The following CNTN5 variants were observed in gnomAD, a reference collection of about 807,000 sequenced individuals.
CNTN5 encodes the protein contactin-5.
In CNTN5, 77 loss-of-function variants were observed where a neutral mutation model predicts 129.1. The ratio of observed to expected loss-of-function variants is 0.60; its 90% CI spans 0.50 to 0.72. The LOEUF (loss-of-function observed/expected upper bound fraction) is 0.72. Ranked by LOEUF, CNTN5 falls within the 30% of genes least tolerant of loss-of-function variation. The pLI is 0.00. For synonymous variants in CNTN5, 509 were observed against 465.6 expected, an observed-to-expected ratio of 1.09 and a Z score of -1.20; for missense variants, 1,478 against 1,328.8, an observed-to-expected ratio of 1.11 and a Z score of -1.75.
intron 3 of CNTN5, among the ~76,000 whole-genome samples, chr11:99,645,816 G>GT (rs202156161): frequency 0.035 from 5,373 of 152,118 alleles, 153 homozygotes; most frequent in Non-Finnish European, 0.057. Context: ...GGCTAGGGGA[G>GT]CGAGAGCATT....
intron 8 of CNTN5, 69 bp downstream of exon 8, chr11:99,957,078 G>GT (rs375312209): frequency 0.085 from 93,631 of 1,105,242 alleles, 1,264 homozygotes; most frequent in Middle Eastern, 0.092. Context: ...ATTAGTGTGT[G>GT]TTTTTTTTTT....
chr11:99,230,440 G>A (rs1017103171), intron 1 of CNTN5, among the ~76,000 whole-genome samples: 2 of 152,030 alleles, frequency 1.3e-5, no homozygotes, highest in African/African-American at 4.8e-5. Context: ...AATAAATTAT[G>A]TTTTTTGGGA....
chr11:100,144,048 A>G (rs1398820396), intron 13 of CNTN5, among the ~76,000 whole-genome samples: 1 of 152,110 alleles, frequency 6.6e-6, no homozygotes, highest in African/African-American at 2.4e-5. Context: ...ATTAACATTT[A>G]AAAACAACAT....
At chr11:99,527,608 A>G (rs920100998) in intron 2 of CNTN5, among the ~76,000 whole-genome samples, 1 of 152,174 alleles carries the variant, frequency 6.6e-6, no homozygotes, top group Non-Finnish European at 1.5e-5. Context: ...AAACAGAAAA[A>G]AAAATAACCT....
intron 6 of CNTN5, among the ~76,000 whole-genome samples, chr11:99,885,741 A>G (rs1428437845): frequency 6.6e-6 from 1 of 152,200 alleles, no homozygotes; most frequent in Non-Finnish European, 1.5e-5. Flanking sequence ...TAATAAAGAG[A>G]TAAGACAAAA....
chr11:100,047,601 A>G (rs1018440040), intron 9 of CNTN5, among the ~76,000 whole-genome samples: 4 of 152,184 alleles, frequency 2.6e-5, no homozygotes, highest in Admixed American at 6.5e-5. Flanking sequence ...GGAATAAACA[A>G]AGTATTTTGT....
intron 2 of CNTN5, among the ~76,000 whole-genome samples, chr11:99,462,246 GTTTGTAT>G (rs1268435409): frequency 1.1e-4 from 17 of 151,650 alleles, no homozygotes; most frequent in African/African-American, 4.1e-4. Flanking sequence ...ATTGATAAAA[GTTTGTAT>G]TTTGTATTTT....
chr11:99,321,064 C>A (rs550327341), intron 1 of CNTN5, among the ~76,000 whole-genome samples: 1 of 152,034 alleles, frequency 6.6e-6, no homozygotes. Context: ...GACTTTGAAA[C>A]GTCAGCTTTT....
intron 13 of CNTN5, among the ~76,000 whole-genome samples, chr11:100,128,743 G>A (rs2112071): frequency 0.24 from 35,974 of 151,794 alleles, 4,885 homozygotes; most frequent in East Asian, 0.45. Flanking sequence ...GTTCCTTCTT[G>A]CCTCAGAGAG....
chr11:100,057,190 T>C (rs1360862892), intron 9 of CNTN5, among the ~76,000 whole-genome samples: 3 of 148,328 alleles, frequency 2.0e-5, no homozygotes, highest in African/African-American at 7.3e-5. Flanking sequence ...AGGAATTATA[T>C]ATAAAGTATA....
chr11:99,170,484 T>G (rs1861098295), intron 1 of CNTN5, among the ~76,000 whole-genome samples: 1 of 152,122 alleles, frequency 6.6e-6, no homozygotes, highest in African/African-American at 2.4e-5. Context: ...AATAAGTAAA[T>G]TGCATTAAAT....
chr11:99,949,073 A>G (rs1321606590), intron 7 of CNTN5, among the ~76,000 whole-genome samples: 1 of 152,232 alleles, frequency 6.6e-6, no homozygotes, highest in Non-Finnish European at 1.5e-5. Flanking sequence ...AATCTCCAAC[A>G]GGGACCACAT....
chr11:99,510,579 A>G (rs1368718273), intron 2 of CNTN5, among the ~76,000 whole-genome samples: 1 of 152,174 alleles, frequency 6.6e-6, no homozygotes, highest in East Asian at 1.9e-4. Context: ...CATGTACCCC[A>G]TAACAATGTT....
intron 1 of CNTN5, among the ~76,000 whole-genome samples, chr11:99,319,029 T>G (rs770835063): frequency 6.6e-6 from 1 of 152,208 alleles, no homozygotes; most frequent in Non-Finnish European, 1.5e-5. Context: ...GACTGTGCTA[T>G]TCCAGATTCT....
At chr11:100,285,676 C>T (rs1188797162) in intron 18 of CNTN5, among the ~76,000 whole-genome samples, 2 of 152,120 alleles carry the variant, frequency 1.3e-5, no homozygotes, top group Non-Finnish European at 2.9e-5. Flanking sequence ...CACTGTATTC[C>T]GTCCCTTCAT....
At chr11:99,388,050 A>G (rs1941021185) in intron 2 of CNTN5, among the ~76,000 whole-genome samples, 1 of 152,042 alleles carries the variant, frequency 6.6e-6, no homozygotes, top group South Asian at 2.1e-4. Context: ...TCCTACATAT[A>G]TTTGTCTAAA....
chr11:100,151,016 A>G (rs1947035134), intron 13 of CNTN5, among the ~76,000 whole-genome samples: 1 of 152,082 alleles, frequency 6.6e-6, no homozygotes, highest in South Asian at 2.1e-4. Context: ...GCCAGGAGGA[A>G]GGTTGTCACC....
rs535737330 is a variant in CNTN5, at chr11:99,309,195, T to G, written c.-209-16151T>G. 6.6e-5 allele frequency among the ~76,000 whole-genome samples: 10 copies of G among 151,528 alleles called. No individual in the cohort carries two copies. The South Asian group carries it at 1.5e-3, about 22-fold the overall frequency. ...ACTTTTTCTTTTTAAATATCTAGAG[T>G]GTTGGGTGGTTTTGTTTTTGCTATT... On this transcript the variant is annotated intron_variant, in intron 1 of 24. Transcript: ENST00000524871.
At chr11:99,709,449 ATTGT>A (rs1954882373) in intron 3 of CNTN5, among the ~76,000 whole-genome samples, 1 of 151,774 alleles carries the variant, frequency 6.6e-6, no homozygotes, top group Non-Finnish European at 1.5e-5. Context: ...AGAGAGTGAA[ATTGT>A]TTAAGAATTA....
Sources: allele counts gnomAD v4.1 joint callset (sites outside exome capture counted in the v4.1 genomes callset), GRCh38; gene constraint gnomAD v4.1.1; transcripts MANE v1.5; gene names NCBI Gene and HGNC (gene_info 2026-07-23, HGNC 2026-07-21).